The following MBP variants were observed in gnomAD, a reference collection of about 807,000 sequenced individuals.
MBP encodes the protein Golli-MBP.
MBP carries 16 observed loss-of-function variants against 35.8 expected under a neutral mutation model. The observed-to-expected ratio is 0.45, with a 90% CI of 0.30 to 0.68. The LOEUF (loss-of-function observed/expected upper bound fraction) is 0.68. Among genes scored for constraint, MBP ranks in the 30% least tolerant of loss-of-function variants. The pLI is 0.08. For synonymous variants in MBP, 143 were observed against 159.6 expected (o/e 0.90, Z 0.78); for missense variants, 380 against 404.7 (o/e 0.94, Z 0.52).
intron 4 of MBP, chr18:77,013,538 A>G (rs1272828155): frequency 1.0e-6 from 1 of 985,366 alleles, no homozygotes; most frequent in Non-Finnish European, 1.2e-6. Context: ...TGATGAATTT[A>G]CAGGACTGAT....
intron 8 of MBP, chr18:76,981,078 C>T (rs954616808): frequency 1.3e-5 from 2 of 153,736 alleles, no homozygotes; most frequent in African/African-American, 2.4e-5. Context: ...CAAATAATTT[C>T]GATGTTTAAA....
intron 3 of MBP, among the ~76,000 whole-genome samples, chr18:77,048,262 G>A (rs73968266): frequency 0.016 from 2,413 of 152,290 alleles, 40 homozygotes; most frequent in African/African-American, 0.042. Flanking sequence ...CCCTAGCAGC[G>A]TTCTGAGGAC....
At chr18:77,040,647 C>T (rs1165134343) in intron 3 of MBP, among the ~76,000 whole-genome samples, 1 of 152,226 alleles carries the variant, frequency 6.6e-6, no homozygotes, top group Non-Finnish European at 1.5e-5. Context: ...ACTATCTGAT[C>T]TTTCACAAAC....
rs1390382811 is a variant in MBP at position 77,131,006 on chromosome 18, C to T, written c.-26+1574G>A. ...AATTTTTAACTGTGTTCTTTTCCCT[C>T]AGATTTCTGTTTTTCCCACAAAAAA... On this transcript the variant is annotated intron_variant, in intron 1 of 8. Coordinates refer to ENST00000355994, the MANE Select transcript of MBP (RefSeq NM_001025101.2). The surrounding 1 kb of genome is among the most constrained non-coding windows in gnomAD (Gnocchi z 5.5). 6.9e-6 allele frequency among the ~76,000 whole-genome samples: 1 copy of T among 145,010 alleles called. No individual in the cohort carries two copies. The highest frequency in any genetic ancestry group is 1.5e-5 in the Non-Finnish European group (1 of 66,798).
intron 2 of MBP, among the ~76,000 whole-genome samples, chr18:77,072,141 G>A (rs531443132): frequency 6.6e-6 from 1 of 152,142 alleles, no homozygotes; most frequent in East Asian, 1.9e-4. Flanking sequence ...TCCTGCCGGC[G>A]TACACACCCC....
chr18:77,071,455 G>A (rs1974444031), intron 2 of MBP, among the ~76,000 whole-genome samples: 1 of 152,106 alleles, frequency 6.6e-6, no homozygotes, highest in African/African-American at 2.4e-5. Flanking sequence ...GTTTTGTTTT[G>A]TTTTAGGCTT....
chr18:76,985,115 T>C (rs1042157332), intron 7 of MBP: 16 of 1,532,930 alleles, frequency 1.0e-5, no homozygotes, highest in Non-Finnish European at 1.4e-5. Flanking sequence ...AGAGGAGGGC[T>C]CTGGTTTGGG....
intron 3 of MBP, among the ~76,000 whole-genome samples, chr18:77,052,045 G>A (rs762301949): frequency 4.6e-5 from 7 of 152,322 alleles, no homozygotes; most frequent in Non-Finnish European, 8.8e-5. Flanking sequence ...CACTGGAAGA[G>A]GATGAGGAGG....
At chr18:77,082,938 A>G (rs1259234148) in intron 2 of MBP, among the ~76,000 whole-genome samples, 1 of 133,362 alleles carries the variant, frequency 7.5e-6, no homozygotes, top group Non-Finnish European at 1.6e-5. Flanking sequence ...ATTCTCTTTA[A>G]CTAATTGCTA....
At chr18:77,012,678 C>A in intron 4 of MBP, 2 of 563,052 alleles carry the variant, frequency 3.6e-6, no homozygotes, top group Non-Finnish European at 4.5e-6. Context: ...CACTTACCTG[C>A]CAGCTGTGTC....
At chr18:77,021,924 A>G (rs2123509922) in intron 3 of MBP, among the ~76,000 whole-genome samples, 1 of 152,204 alleles carries the variant, frequency 6.6e-6, no homozygotes, top group South Asian at 2.1e-4. Flanking sequence ...AGGCCCCTTC[A>G]GCACTGAGGT....
intron 1 of MBP, among the ~76,000 whole-genome samples, chr18:77,119,449 C>T (rs1976820744): frequency 6.6e-6 from 1 of 152,058 alleles, no homozygotes; most frequent in African/African-American, 2.4e-5. Context: ...ACATGGCAGG[C>T]ACATGGTACA....
chr18:77,067,807 C>G (rs760424172), intron 2 of MBP: 2 of 511,006 alleles, frequency 3.9e-6, no homozygotes, highest in South Asian at 1.4e-5. Flanking sequence ...TGTACATAGT[C>G]TCAATTTTAC....
chr18:77,032,202 G>A (rs1444690084), intron 3 of MBP, among the ~76,000 whole-genome samples: 1 of 152,230 alleles, frequency 6.6e-6, no homozygotes, highest in African/African-American at 2.4e-5. Context: ...CTCCTTGTTT[G>A]TGGAATACTT....
Position 76,988,240 on chromosome 18 carries a change from G to A in MBP, c.750+255C>T, listed in dbSNP as rs1404093527. 3.9e-6 allele frequency: 6 copies of A among 1,550,020 alleles called. No individual in the cohort carries two copies. The East Asian group carries it at 1.5e-4, about 38-fold the overall frequency. ...CAGTCACGTCGCCTGGGAACCCTCT[G>A]GGAGAAGAGGATCTGGCCTTGCAGG... On this transcript the variant is annotated intron_variant, in intron 7 of 8. Transcript: ENST00000355994. This position sits in a 1 kb window ranked among gnomAD's most constrained non-coding sequence, Gnocchi z 5.2.
At chr18:77,029,386 C>CAA (rs1972446131) in intron 3 of MBP, among the ~76,000 whole-genome samples, 1 of 137,104 alleles carries the variant, frequency 7.3e-6, no homozygotes, top group African/African-American at 2.7e-5. Context: ...GGCTCGGCAT[C>CAA]AGAGGGAGAC....
chr18:77,072,206 T>C (rs1475151099), intron 2 of MBP, among the ~76,000 whole-genome samples: 1 of 152,134 alleles, frequency 6.6e-6, no homozygotes. Flanking sequence ...TATGCACAAA[T>C]CTGAATATGG....
intron 3 of MBP, among the ~76,000 whole-genome samples, chr18:77,034,208 G>T (rs1972664963): frequency 6.6e-6 from 1 of 152,122 alleles, no homozygotes; most frequent in South Asian, 2.1e-4. Flanking sequence ...TGAAGACAGA[G>T]GGGACCATGT....
Position 76,985,139 on chromosome 18 carries a change from A to G in MBP, c.751-245T>C. On this transcript the variant is annotated intron_variant, in intron 7 of 8. Transcript: ENST00000355994. ...CTCTGGTTTGGGCGGAGGCTCTCTC[A>G]TGAGATATGCGGCCCAACCACACAT... 2.0e-6 allele frequency: 3 copies of G among 1,537,322 alleles called. No individual in the cohort carries two copies. In the South Asian group the frequency reaches 3.5e-5, roughly 18 times the overall value.
Sources: allele counts gnomAD v4.1 joint callset (sites outside exome capture counted in the v4.1 genomes callset), GRCh38; gene constraint gnomAD v4.1.1; non-coding constraint Gnocchi (gnomAD v3.1); transcripts MANE v1.5; gene names NCBI Gene and HGNC (gene_info 2026-07-23, HGNC 2026-07-21).